The following FAHD2A variants were observed in gnomAD, a reference collection of about 807,000 sequenced individuals.
The protein encoded by FAHD2A is fumarylacetoacetate hydrolase domain containing 2A.
In FAHD2A, 27 loss-of-function variants were observed where a neutral mutation model predicts 33.4. The observed-to-expected ratio is 0.81, with a 90% CI of 0.60 to 1.11. The LOEUF (loss-of-function observed/expected upper bound fraction) is 1.11, where lower values mean the gene tolerates loss of function less well. Among genes scored for constraint, FAHD2A ranks in the 50% most tolerant of loss-of-function variants. The probability of loss-of-function intolerance (pLI) is 0.00; values close to 1 mark genes in which losing one functional copy is unlikely to be tolerated. For missense variants in FAHD2A, 296 were observed against 395.0 expected, an observed-to-expected ratio of 0.75 and a Z score of 2.12; for synonymous variants, 130 against 153.3, an observed-to-expected ratio of 0.85 and a Z score of 1.12.
downstream of FAHD2A, among the ~76,000 whole-genome samples, chr2:95,421,048 T>TCC (rs2104393052): frequency 7.6e-6 from 1 of 131,588 alleles, no homozygotes; most frequent in East Asian, 2.3e-4. Context: ...TGTGTGTGTG[T>TCC]CCCCAGGATG....
At chr2:95,407,181 C>T (rs1340980629) in intron 3 of FAHD2A, 24 bp downstream of exon 3, 2 of 1,611,830 alleles carry the variant, frequency 1.2e-6, no homozygotes. Context: ...CACTGCCCTC[C>T]CTAGTCACTG....
intron 3 of FAHD2A, 105 bp from the exon 4 acceptor site, chr2:95,410,422 C>T: frequency 6.9e-7 from 1 of 1,446,184 alleles, no homozygotes; most frequent in South Asian, 1.3e-5. Flanking sequence ...GGCAGCGAAG[C>T]CATACTGACA....
At chr2:95,411,538 G>C (rs1389848958) in intron 5 of FAHD2A, among the ~76,000 whole-genome samples, 1 of 152,224 alleles carries the variant, frequency 6.6e-6, no homozygotes, top group Non-Finnish European at 1.5e-5. Context: ...TGGAGGTGGG[G>C]GGTGTCCACA....
At position 95,413,104 on chromosome 2, in the gene FAHD2A, T is replaced by C; in HGVS notation, c.*147T>C. 2.4e-6 allele frequency: 3 copies of C among 1,239,060 alleles called. No individual in the cohort carries two copies. Among genetic ancestry groups the C allele is most frequent in the Non-Finnish European group, 3.4e-6 (3 of 895,264 alleles). 76.8% of individuals were successfully genotyped at this position (1,239,060 alleles called of 1,614,324 possible). A position where few individuals can be genotyped will look rare whatever the true frequency, so the allele number is the denominator to read the frequency against. On this transcript the variant is annotated 3_prime_UTR_variant, in exon 8 of 8. Coordinates refer to ENST00000233379, the MANE Select transcript of FAHD2A (RefSeq NM_016044.3). ...AGAAGGGAGAAGGACAGAGCTCTCT[T>C]CAATAAATTCGTCAGGTCAAAGCAG...
At chr2:95,407,326 G>C (rs760831921) in intron 3 of FAHD2A, 169 bp downstream of exon 3, 10 of 965,778 alleles carry the variant, frequency 1.0e-5, no homozygotes, top group Non-Finnish European at 1.5e-5. Flanking sequence ...AAAAGTTAAT[G>C]TACGTGTTTT....
chr2:95,409,545 G>T (rs1161207592), intron 3 of FAHD2A, among the ~76,000 whole-genome samples: 3 of 152,182 alleles, frequency 2.0e-5, no homozygotes, highest in African/African-American at 7.2e-5. Flanking sequence ...CTCACCTGAG[G>T]TGATCCACCT....
Position 95,412,455 on chromosome 2 carries a change from G to C in FAHD2A, c.707G>C (p.Cys236Ser), listed in dbSNP as rs768585421. Reference protein sequence around the residue: ...SVADPHNLKICCRVNGEVVQS... With the variant: ...SVADPHNLKISCRVNGEVVQS... ...TCAGATCCACACAACTTAAAGATCT[G>C]CTGCCGAGTGAATGGGGAAGTGGTC... is the stretch of plus-strand genomic sequence containing the variant. Residue 236 changes from cysteine to serine, a missense_variant, in exon 6 of 8, where the codon TGC (cysteine) becomes TCC (serine). Cys to Ser is a moderately radical substitution (Grantham distance 112). Transcript: ENST00000233379. The C allele has an allele frequency of 3.7e-6, 6 of 1,613,930 alleles. 1 individual carries two copies. The South Asian group carries it at 4.4e-5, about 12-fold the overall frequency.
At chr2:95,412,794 C>T in intron 7 of FAHD2A, 30 bp downstream of exon 7, 1 of 1,614,202 alleles carries the variant, frequency 6.2e-7, no homozygotes, top group Non-Finnish European at 8.5e-7. Flanking sequence ...AGAGCAAGGG[C>T]CCCAAAGGCC....
intron 3 of FAHD2A, among the ~76,000 whole-genome samples, chr2:95,409,931 G>A (rs542857634): frequency 6.6e-6 from 1 of 152,262 alleles, no homozygotes; most frequent in South Asian, 2.1e-4. Flanking sequence ...AGTGGGGAGT[G>A]GTATTAGAGA....
rs922577837 is a variant in FAHD2A at position 95,414,439 on chromosome 2, G to C, written c.*1482G>C. 2.5e-5 allele frequency: 14 copies of C among 568,200 alleles called. No homozygotes were observed. The highest frequency in any genetic ancestry group is 3.9e-5 in the Non-Finnish European group (12 of 311,430). 35.2% of individuals were successfully genotyped at this position (568,200 alleles called of 1,614,324 possible). ...TGTGGAAGGCCTGCACCCCGTCTCA[G>C]TTCCTCCACTGCTTCGTCCCAGATT... On this transcript the variant is annotated 3_prime_UTR_variant, in exon 8 of 8. Transcript: ENST00000233379.
Position 95,405,766 on chromosome 2 carries a change from C to G in FAHD2A, c.208C>G (p.Leu70Val), listed in dbSNP as rs1317412752. Residue 70 changes from leucine to valine, a missense_variant, in exon 2 of 8, where the codon CTA becomes GTA. Transcript: ENST00000233379. ...PTLPKTMTQF[L>V]EQGEATLSVA... ...ACTCCCGAAGACGATGACGCAGTTC[C>G]TAGAGCAGGGAGAGGCCACCCTCTC... 6.2e-7 allele frequency: 1 copy of G among 1,613,466 alleles called. No individual in the cohort carries two copies. The highest frequency in any genetic ancestry group is 8.5e-7 in the Non-Finnish European group (1 of 1,179,826).
downstream of FAHD2A, among the ~76,000 whole-genome samples, chr2:95,419,698 TAGTC>T (rs546253287): frequency 1.6e-4 from 25 of 152,058 alleles, 1 homozygote; most frequent in South Asian, 1.0e-3. Context: ...GATGCTGTAT[TAGTC>T]AGAGTTCTCC....
intron 5 of FAHD2A, 66 bp downstream of exon 5, chr2:95,411,092 G>A: frequency 6.3e-7 from 1 of 1,591,938 alleles, no homozygotes; most frequent in Non-Finnish European, 8.6e-7. Flanking sequence ...TCAGGGAGGA[G>A]CATGGGTTCA....
intron 3 of FAHD2A, among the ~76,000 whole-genome samples, chr2:95,407,825 C>T (rs1351930363): frequency 6.6e-6 from 1 of 152,336 alleles, no homozygotes; most frequent in Non-Finnish European, 1.5e-5. Context: ...GCAACTTACA[C>T]ATCCACCAGT....
At chr2:95,406,860 C>A (rs969347040) in intron 2 of FAHD2A, 81 bp from the exon 3 acceptor site, 9 of 1,476,660 alleles carry the variant, frequency 6.1e-6, no homozygotes, top group Non-Finnish European at 8.1e-6. Context: ...AAACCTGTAG[C>A]TGCTGCAGGA....
chr2:95,403,678 C>T (rs1417594780), intron 1 of FAHD2A, among the ~76,000 whole-genome samples: 1 of 152,196 alleles, frequency 6.6e-6, no homozygotes, highest in Non-Finnish European at 1.5e-5. Flanking sequence ...CTTCATGTCA[C>T]CTGGACTTGG....
rs150496534 is a variant in FAHD2A, at chr2:95,405,593, T to G, written c.35T>G (p.Val12Gly). Residue 12 changes from valine to glycine, a missense_variant, in exon 2 of 8, where the codon GTT (valine) becomes GGT (glycine). Coordinates refer to ENST00000233379, the MANE Select transcript of FAHD2A (RefSeq NM_016044.3). Reference sequence around the variant, plus strand: ...TCTGGTAGAAGAAGGTTACTCACAGTTCTGCTGCAGGCTCAGAAGTGGCCC... The same window carrying G: ...TCTGGTAGAAGAAGGTTACTCACAGGTCTGCTGCAGGCTCAGAAGTGGCCC... ...LVSGRRRLLTVLLQAQKWPFQ... is the reference protein window; with the variant it reads ...LVSGRRRLLTGLLQAQKWPFQ... The G allele has an allele frequency of 6.2e-7, 1 of 1,613,836 alleles. No homozygotes were observed. Among genetic ancestry groups the G allele is most frequent in the Non-Finnish European group, 8.5e-7 (1 of 1,179,796 alleles).
intron 3 of FAHD2A, 107 bp downstream of exon 3, chr2:95,407,264 G>A (rs1304508493): frequency 6.3e-5 from 95 of 1,506,120 alleles, no homozygotes; most frequent in Admixed American, 5.0e-4. Flanking sequence ...AGCGCATTCA[G>A]CAGAAACTCT....
At chr2:95,419,317 T>C (rs1455053092), downstream of FAHD2A, among the ~76,000 whole-genome samples, 4 of 152,052 alleles carry the variant, frequency 2.6e-5, no homozygotes, top group Non-Finnish European at 4.4e-5. Context: ...TTGCTTTTCA[T>C]GGACATACTT....
Sources: allele counts gnomAD v4.1 joint callset (sites outside exome capture counted in the v4.1 genomes callset), GRCh38; gene constraint gnomAD v4.1.1; transcripts MANE v1.5; gene names NCBI Gene and HGNC (gene_info 2026-07-23, HGNC 2026-07-21).